The following C1orf185 variants were observed in gnomAD, a reference collection of about 807,000 sequenced individuals.
C1orf185 encodes chromosome 1 open reading frame 185.
C1orf185 carries 13 observed loss-of-function variants against 16.1 expected under a neutral mutation model. That is an observed-to-expected ratio of 0.81 (90% CI 0.53 to 1.28). C1orf185 has a LOEUF of 1.28. Among genes scored for constraint, C1orf185 ranks in the 50% most tolerant of loss-of-function variants. C1orf185 has a pLI of 0.00. For synonymous variants in C1orf185, 80 were observed against 76.9 expected (o/e 1.04, Z -0.21); for missense variants, 220 against 225.2 (o/e 0.98, Z 0.15).
chr1:51,106,808 A>G (rs1483713269), intron 1 of C1orf185, among the ~76,000 whole-genome samples: 3 of 145,764 alleles, frequency 2.1e-5, no homozygotes, highest in Admixed American at 6.9e-5. Context: ...ACCAGGCTGG[A>G]GTGCAGTGGT....
At chr1:51,132,423 C>T (rs891826929) in intron 3 of C1orf185, among the ~76,000 whole-genome samples, 1 of 152,120 alleles carries the variant, frequency 6.6e-6, no homozygotes, top group Non-Finnish European at 1.5e-5. Context: ...CTGAAAAACA[C>T]ACTACATGAA....
chr1:51,141,763 T>C (rs1646366167), intron 3 of C1orf185, among the ~76,000 whole-genome samples: 1 of 152,172 alleles, frequency 6.6e-6, no homozygotes, highest in African/African-American at 2.4e-5. Context: ...GAAGATACTC[T>C]CTCATATTAT....
chr1:51,109,379 G>C (rs1449272439), intron 1 of C1orf185, among the ~76,000 whole-genome samples: 1 of 152,072 alleles, frequency 6.6e-6, no homozygotes, highest in Non-Finnish European at 1.5e-5. Flanking sequence ...TCGCTTTGTT[G>C]GTTGTTTCCT....
intron 2 of C1orf185, 52 bp downstream of exon 2, chr1:51,112,621 TAA>T (rs1010075347): frequency 1.7e-5 from 24 of 1,417,100 alleles, no homozygotes; most frequent in Admixed American, 1.0e-4. Flanking sequence ...AAAAATTCAA[TAA>T]AGGACTTTTT....
chr1:51,151,649 T>G (rs960509912), downstream of C1orf185, among the ~76,000 whole-genome samples: 1 of 152,042 alleles, frequency 6.6e-6, no homozygotes, highest in Non-Finnish European at 1.5e-5. Context: ...CCTGGAAATA[T>G]GGGATAACAT....
chr1:51,125,077 G>A (rs1557647826), intron 3 of C1orf185, among the ~76,000 whole-genome samples: 2 of 152,280 alleles, frequency 1.3e-5, no homozygotes, highest in South Asian at 2.1e-4. Context: ...AGGGCCCAAC[G>A]GGAAGGTGTT....
chr1:51,150,717 C>T (rs533142066), downstream of C1orf185, among the ~76,000 whole-genome samples: 3 of 152,192 alleles, frequency 2.0e-5, no homozygotes, highest in South Asian at 2.1e-4. Context: ...ATGTCTTTTG[C>T]GTTAGAAACA....
intron 1 of C1orf185, among the ~76,000 whole-genome samples, chr1:51,111,463 C>T (rs1487297092): frequency 2.0e-5 from 3 of 146,746 alleles, no homozygotes; most frequent in African/African-American, 7.7e-5. Context: ...ATCTCAAATT[C>T]CTGGGCTCAA....
chr1:51,116,315 C>CTTT (rs59140209), intron 2 of C1orf185, among the ~76,000 whole-genome samples: 2 of 137,344 alleles, frequency 1.5e-5, no homozygotes, highest in African/African-American at 5.5e-5. Flanking sequence ...TCACCCTACC[C>CTTT]TTTTTTTTTT....
At chr1:51,151,667 T>G (rs979449274), downstream of C1orf185, among the ~76,000 whole-genome samples, 2 of 151,936 alleles carry the variant, frequency 1.3e-5, no homozygotes, top group Admixed American at 1.3e-4. Flanking sequence ...CATTTAAAAA[T>G]TTATTTTATT....
rs192084994 is a variant in C1orf185 at position 51,147,411 on chromosome 1, A to G, written c.296-56A>G. The G allele has an allele frequency of 1.0e-5, 14 of 1,402,330 alleles. 1 individual carries two copies. The East Asian group carries it at 3.5e-4, about 35-fold the overall frequency. The allele number at this position is 1,402,330 out of a possible 1,614,324, so 86.9% of individuals were successfully genotyped here. A position where few individuals can be genotyped will look rare whatever the true frequency, so the allele number is the denominator to read the frequency against. On this transcript the variant is annotated intron_variant, in intron 4 of 4. Transcript: ENST00000371759. ...TCCTGCCCATTCTGACATTGTCCTTATAATTAAGAGTTGGCTTGTGAATAT... is the reference window on the plus strand; with the variant it reads ...TCCTGCCCATTCTGACATTGTCCTTGTAATTAAGAGTTGGCTTGTGAATAT...
intron 3 of C1orf185, among the ~76,000 whole-genome samples, chr1:51,142,534 A>G (rs895399349): frequency 2.6e-5 from 4 of 152,194 alleles, no homozygotes; most frequent in African/African-American, 4.8e-5. Flanking sequence ...AGAGTTTCCA[A>G]TGTGGAGAAG....
intron 3 of C1orf185, among the ~76,000 whole-genome samples, chr1:51,137,458 C>G (rs1646333506): frequency 6.6e-6 from 1 of 152,032 alleles, no homozygotes; most frequent in Non-Finnish European, 1.5e-5. Context: ...CACTTGAACC[C>G]AAGAGGCAGT....
chr1:51,115,950 T>C (rs1184312601), intron 2 of C1orf185, among the ~76,000 whole-genome samples: 1 of 152,160 alleles, frequency 6.6e-6, no homozygotes, highest in Admixed American at 6.5e-5. Flanking sequence ...CGTAAGCAGA[T>C]ACGTAGTTTA....
At chr1:51,119,450 A>G (rs1406668607) in intron 3 of C1orf185, among the ~76,000 whole-genome samples, 1 of 152,258 alleles carries the variant, frequency 6.6e-6, no homozygotes, top group Non-Finnish European at 1.5e-5. Context: ...GTTTCACTAT[A>G]TATCTTGAGT....
intron 1 of C1orf185, among the ~76,000 whole-genome samples, chr1:51,106,519 A>T (rs1034608273): frequency 1.3e-5 from 2 of 152,132 alleles, no homozygotes; most frequent in African/African-American, 4.8e-5. Flanking sequence ...ATGTGCCTGT[A>T]GTCCTAGTTA....
chr1:51,124,885 C>T (rs1646228350), intron 3 of C1orf185, among the ~76,000 whole-genome samples: 1 of 152,154 alleles, frequency 6.6e-6, no homozygotes. Flanking sequence ...AGGGTTGTGA[C>T]CAGAAAACAA....
rs972764810 is a variant in C1orf185 at position 51,145,837 on chromosome 1, A to G, written c.295+77A>G. 8.4e-6 allele frequency: 6 copies of G among 718,552 alleles called. No homozygotes were observed. In the Admixed American group the frequency reaches 1.6e-4, roughly 20 times the overall value. The allele number at this position is 718,552 out of a possible 1,614,324, so 44.5% of individuals were successfully genotyped here. On this transcript the variant is annotated intron_variant, in intron 4 of 4. Transcript: ENST00000371759. ...TCACATCTTGAGAAATCAAGAGGCT[A>G]TCCTAAATGTCATCTAAATATCTTA...
intron 3 of C1orf185, among the ~76,000 whole-genome samples, chr1:51,144,673 A>C (rs1646387495): frequency 6.6e-6 from 1 of 152,154 alleles, no homozygotes; most frequent in Admixed American, 6.5e-5. Context: ...TGATCATGCC[A>C]CTGCACCCCA....
Sources: gnomAD v4.1 joint callset for allele counts (sites outside exome capture counted in the v4.1 genomes callset) on GRCh38, gnomAD v4.1.1 for gene constraint, MANE v1.5 for transcripts, NCBI Gene and HGNC (gene_info 2026-07-23, HGNC 2026-07-21) for gene names.